COL5A3: variants seen among roughly 807,000 people sequenced by gnomAD.
The protein encoded by COL5A3 is collagen type V alpha 3 chain.
Under a neutral mutation model 250.0 loss-of-function variants are expected in COL5A3, and 172 were observed. The ratio of observed to expected loss-of-function variants is 0.69; its 90% confidence interval spans 0.61 to 0.78. The LOEUF is 0.78. COL5A3 is among the 30% of genes least tolerant of loss of function. The pLI is 0.00. For missense variants in COL5A3, 2,340 were observed against 2,334.4 expected (o/e 1.00, Z -0.05); for synonymous variants, 937 against 900.4 (o/e 1.04, Z -0.73).
intron 31 of COL5A3, 100 bp downstream of exon 31, chr19:9,985,742 G>C: frequency 9.3e-7 from 1 of 1,070,286 alleles, no homozygotes; most frequent in Non-Finnish European, 1.4e-6. Context: ...TGACCCTTGG[G>C]GTGGGCAGCT....
In COL5A3 at chr19:9,986,767, T is replaced by TAAAAA. The variant is rs34667697; in HGVS notation, c.2146-14_2146-10dup. 302 of 1,488,764 alleles carry TAAAAA rather than the reference T, an allele frequency of 2.0e-4. No individual in the cohort carries two copies. Among genetic ancestry groups the TAAAAA allele is most frequent in the East Asian group, 7.7e-4 (33 of 42,710 alleles). The allele number at this position is 1,488,764 out of a possible 1,614,324, so 92.2% of individuals were successfully genotyped here. A position where few individuals can be genotyped will look rare whatever the true frequency, so the allele number is the denominator to read the frequency against. On this transcript the variant is annotated splice_polypyrimidine_tract_variant and intron_variant, in intron 27 of 66. Transcript: ENST00000264828. ...CGGTTGCCTGAAGTGCCCTGGAAAA[T>TAAAAA]AAAAAAAAAAAGCTCTCAAGCCTCT...
chr19:9,986,550 T>C lies in COL5A3; in HGVS notation c.2244+3A>G. The C allele has an allele frequency of 6.2e-7, 1 of 1,613,950 alleles. No individual in the cohort carries two copies. The highest frequency in any genetic ancestry group is 8.5e-7 in the Non-Finnish European group (1 of 1,179,968). On this transcript the variant is annotated splice_donor_region_variant and intron_variant, in intron 29 of 66. Coordinates refer to ENST00000264828, the MANE Select transcript of COL5A3 (RefSeq NM_015719.4). ...ACCACCCCTCATCTGGAGCTGGTCT[T>C]ACCTGATCACCTTTGAGCCCCACAT... is the stretch of plus-strand genomic sequence containing the variant.
At position 10,006,186 on chromosome 19, in the gene COL5A3, G is replaced by A. The variant is rs1161391628; in HGVS notation, c.134C>T (p.Ala45Val). 5.6e-6 allele frequency: 9 copies of A among 1,607,140 alleles called. No homozygotes were observed. Among genetic ancestry groups the A allele is most frequent in the Non-Finnish European group, 1.7e-6 (2 of 1,177,082 alleles). The change falls in exon 2 of 67, where the codon GCT (alanine) becomes GTT (valine). Residue 45 changes from alanine (A) to valine (V), a missense_variant. Ala to Val is a moderately conservative substitution (Grantham distance 64). Around this residue, in one of 3 missense-constraint regions of COL5A3, gnomAD observed 1,152 missense variants for 1,146.3 expected, o/e 1.00. Coordinates refer to ENST00000264828, the MANE Select transcript of COL5A3 (RefSeq NM_015719.4). The part of the protein sequence containing the change: ...LKALGVQGGQ[A>V]GVPEGPGFCP... ...GAAGCCAGGCCCCTCGGGGACCCCAGCCTGGCCTCCCTGCACACCCAGGGC... is the reference window on the plus strand; with the variant it reads ...GAAGCCAGGCCCCTCGGGGACCCCAACCTGGCCTCCCTGCACACCCAGGGC...
intron 1 of COL5A3, among the ~76,000 whole-genome samples, chr19:10,007,322 A>G (rs996556600): frequency 1.3e-5 from 2 of 151,904 alleles, no homozygotes; most frequent in South Asian, 2.1e-4. Context: ...TCCTCATTTC[A>G]TCTCTCTGAC....
rs1427417902 is a variant in COL5A3 at position 9,982,047 on chromosome 19, C to A, written c.2460+18G>T. On this transcript the variant is annotated intron_variant, in intron 32 of 66. Coordinates refer to ENST00000264828, the MANE Select transcript of COL5A3 (RefSeq NM_015719.4). ...CAGACAAGTTCTCCCCTCTCCCTTA[C>A]CCCCGGTCATGACTCACCGACTTCC... 6.2e-7 allele frequency: 1 copy of A among 1,601,428 alleles called. No homozygotes were observed. The highest frequency in any genetic ancestry group is 1.7e-5 in the Admixed American group (1 of 59,844).
intron 50 of COL5A3, 21 bp downstream of exon 50, chr19:9,973,549 C>T: frequency 6.2e-7 from 1 of 1,606,758 alleles, no homozygotes; most frequent in Non-Finnish European, 8.5e-7. Flanking sequence ...GGTGCAGGGA[C>T]CACATCACAC....
chr19:9,968,050 G>T lies in COL5A3; in HGVS notation c.4344C>A (p.Gly1448=). ...CCGCCACACCTGGGGGCCCAGGGTG[G>T]CCCAGAGAGCCAATGGGACCAGGGG... ...PGPPGPIGSL[G]HPGPPGVAGP... Residue 1448 remains glycine (G), a synonymous_variant, in exon 60 of 67, where the codon GGC becomes GGA. Coordinates refer to ENST00000264828, the MANE Select transcript of COL5A3 (RefSeq NM_015719.4). This position sits in a 1 kb window ranked among gnomAD's most constrained non-coding sequence, Gnocchi z 4.1. 6.3e-7 allele frequency: 1 copy of T among 1,589,056 alleles called. No homozygotes were observed. Among genetic ancestry groups the T allele is most frequent in the South Asian group, 1.2e-5 (1 of 86,396 alleles).
At position 9,966,727 on chromosome 19, in the gene COL5A3, T is replaced by G. The variant is rs753737838; in HGVS notation, c.4478A>C (p.His1493Pro). The change falls in exon 63 of 67, where the codon CAT (histidine) becomes CCT (proline). Residue 1493 changes from histidine (H) to proline (P), a missense_variant. Transcript: ENST00000264828. ...PGPPGAPAELHGLRRRRRFVP... is the reference protein window; with the variant it reads ...PGPPGAPAELPGLRRRRRFVP... Reference sequence around the variant, plus strand: ...GAAGCGCCGGCGCCTGCGCAGCCCATGCAGCTCGGCAGGGGCACCCTGGGC... The same window carrying G: ...GAAGCGCCGGCGCCTGCGCAGCCCAGGCAGCTCGGCAGGGGCACCCTGGGC... 1 of 1,534,694 alleles carries G rather than the reference T, an allele frequency of 6.5e-7. No homozygotes were observed. The highest frequency in any genetic ancestry group is 8.7e-7 in the Non-Finnish European group (1 of 1,146,444).
At chr19:9,987,925 C>A (rs1445457489) in intron 27 of COL5A3, among the ~76,000 whole-genome samples, 1 of 151,852 alleles carries the variant, frequency 6.6e-6, no homozygotes, top group Non-Finnish European at 1.5e-5. Context: ...ACAGAGAAGA[C>A]CCTGTCTCTA....
chr19:9,962,392 G>A (rs1390364618), intron 65 of COL5A3, among the ~76,000 whole-genome samples: 1 of 152,182 alleles, frequency 6.6e-6, no homozygotes, highest in Non-Finnish European at 1.5e-5. Context: ...ACAGGCCACT[G>A]TACCCAGCCA....
rs901814966 is a variant in COL5A3, at chr19:9,989,307, C to T, written c.2091+15G>A. On this transcript the variant is annotated intron_variant, in intron 26 of 66. Coordinates refer to ENST00000264828, the MANE Select transcript of COL5A3 (RefSeq NM_015719.4). The stretch of plus-strand genomic sequence containing the variant: ...ACCCTCGTCCCCAACCCAGCCTAAC[C>T]TCCTGGTCACTCACCTGAGCCCCTT... 1.9e-6 allele frequency: 3 copies of T among 1,614,210 alleles called. No individual in the cohort carries two copies. Among genetic ancestry groups the T allele is most frequent in the Admixed American group, 1.7e-5 (1 of 60,020 alleles).
intron 65 of COL5A3, among the ~76,000 whole-genome samples, chr19:9,961,150 A>G (rs770484723): frequency 2.2e-4 from 33 of 151,884 alleles, no homozygotes; most frequent in Non-Finnish European, 3.8e-4. Flanking sequence ...TTCATCCACC[A>G]ATCCAGGGTT....
chr19:9,986,972 G>A (rs2087110149), intron 27 of COL5A3, among the ~76,000 whole-genome samples: 1 of 152,146 alleles, frequency 6.6e-6, no homozygotes, highest in Non-Finnish European at 1.5e-5. Flanking sequence ...GTGCAGGGAA[G>A]GCCAAATTTC....
chr19:9,992,834 C>T lies in COL5A3; in HGVS notation c.1841G>A (p.Gly614Asp), dbSNP rs753705118. 6.2e-7 allele frequency: 1 copy of T among 1,614,052 alleles called. No individual in the cohort carries two copies. Among genetic ancestry groups the T allele is most frequent in the South Asian group, 1.1e-5 (1 of 91,076 alleles). ...AGAGCCAGTGACACTCACCGGGCGACCCGTGGGGCCAGGAGAGCCTCTGGG... is the reference window on the plus strand; with the variant it reads ...AGAGCCAGTGACACTCACCGGGCGATCCGTGGGGCCAGGAGAGCCTCTGGG... ...LGPRGSPGPT[G>D]RPGVTGIDGA... is the part of the protein sequence containing the mutation. Residue 614 changes from glycine to aspartate, a missense_variant, in exon 21 of 67, where the codon GGT becomes GAT. Around this residue, in one of 3 missense-constraint regions of COL5A3, gnomAD observed 1,152 missense variants for 1,146.3 expected, o/e 1.00. Transcript: ENST00000264828.
chr19:10,005,226 A>G (rs1380273214), intron 4 of COL5A3, among the ~76,000 whole-genome samples: 3 of 152,086 alleles, frequency 2.0e-5, no homozygotes, highest in African/African-American at 7.2e-5. Flanking sequence ...GCGTGGTGGC[A>G]CACACCTGTA....
chr19:9,990,208 A>G (rs1472189072), intron 24 of COL5A3, among the ~76,000 whole-genome samples: 2 of 151,826 alleles, frequency 1.3e-5, no homozygotes, highest in Non-Finnish European at 2.9e-5. Flanking sequence ...AGCCTGGCCA[A>G]CATAGTGAAA....
chr19:9,991,059 TA>T (rs1448886125), intron 24 of COL5A3, among the ~76,000 whole-genome samples: 2 of 151,858 alleles, frequency 1.3e-5, no homozygotes, highest in Non-Finnish European at 2.9e-5. Context: ...ACCCCATCTC[TA>T]CAAAAAAAGA....
At chr19:9,965,156 CTT>C (rs771519552) in intron 64 of COL5A3, among the ~76,000 whole-genome samples, 7 of 100,282 alleles carry the variant, frequency 7.0e-5, no homozygotes, top group Admixed American at 2.1e-4. Context: ...TTTTCTTTTT[CTT>C]TTTTTTTTTT....
At chr19:10,007,533 C>T (rs2087460978) in intron 1 of COL5A3, among the ~76,000 whole-genome samples, 1 of 152,186 alleles carries the variant, frequency 6.6e-6, no homozygotes, top group African/African-American at 2.4e-5. Flanking sequence ...GTGGGGGCTT[C>T]CCCTGGGCCC....
Sources: gnomAD v4.1 joint callset for allele counts (sites outside exome capture counted in the v4.1 genomes callset) on GRCh38, gnomAD v4.1.1 for gene constraint, gnomAD v4.1.1 regional missense constraint, Gnocchi (gnomAD v3.1) non-coding constraint, MANE v1.5 for transcripts, NCBI Gene and HGNC (gene_info 2026-07-23, HGNC 2026-07-21) for gene names.